The following PIK3C2A variants were observed in gnomAD, a reference collection of about 807,000 sequenced individuals.
PIK3C2A encodes phosphatidylinositol-4-phosphate 3-kinase catalytic subunit type 2 alpha.
Under a neutral mutation model 204.5 loss-of-function variants are expected in PIK3C2A, and 97 were observed. That is an observed-to-expected ratio of 0.47 (90% CI 0.40 to 0.56). PIK3C2A has a LOEUF of 0.56. PIK3C2A is among the 20% of genes least tolerant of loss of function. The pLI is 0.00. For missense variants in PIK3C2A, 1,735 were observed against 1,969.2 expected (o/e 0.88, Z 2.25); for synonymous variants, 653 against 664.4 (o/e 0.98, Z 0.26).
intron 1 of PIK3C2A, among the ~76,000 whole-genome samples, chr11:17,175,074 T>G (rs1851296160): frequency 6.6e-6 from 1 of 152,208 alleles, no homozygotes; most frequent in Admixed American, 6.5e-5. Context: ...AGGATCTAGA[T>G]TTTTTAAAAT....
rs963170849 is a variant in PIK3C2A, at chr11:17,131,999, A to G, written c.2148T>C (p.Asn716=). Reference sequence around the variant, plus strand: ...GAATAGGTTTAAAAAGATCCTTTCCATTGTGAGACAGTGAACATATCAAGT... The same window carrying G: ...GAATAGGTTTAAAAAGATCCTTTCCGTTGTGAGACAGTGAACATATCAAGT... The part of the protein sequence containing the change: ...KYYLICSLSH[N]GKDLFKPIQS... Residue 716 remains asparagine, a synonymous_variant, in exon 12 of 33, where the codon AAT becomes AAC. Coordinates refer to ENST00000691414, the MANE Select transcript of PIK3C2A (RefSeq NM_002645.4). The G allele has an allele frequency of 5.8e-6, 9 of 1,564,156 alleles. No individual in the cohort carries two copies. The highest frequency in any genetic ancestry group is 3.5e-5 in the Admixed American group (2 of 56,552).
chr11:17,122,820 G>C lies in PIK3C2A; in HGVS notation c.2400-7C>G. The C allele has an allele frequency of 9.2e-7, 1 of 1,090,814 alleles. No homozygotes were observed. Among genetic ancestry groups the C allele is most frequent in the Non-Finnish European group, 1.4e-6 (1 of 731,390 alleles). 67.6% of individuals were successfully genotyped at this position (1,090,814 alleles called of 1,614,324 possible). On this transcript the variant is annotated splice_region_variant and splice_polypyrimidine_tract_variant and intron_variant, in intron 13 of 32. Coordinates refer to ENST00000691414, the MANE Select transcript of PIK3C2A (RefSeq NM_002645.4). The stretch of plus-strand genomic sequence containing the variant: ...AGTTCCACATGTTAAAAACCTTCAC[G>C]GATGTAAAAATAATAATGTGATTTT...
At chr11:17,102,866 A>C (rs766081373) in intron 23 of PIK3C2A, 35 bp from the exon 24 acceptor site, 1 of 1,388,532 alleles carries the variant, frequency 7.2e-7, no homozygotes, top group Non-Finnish European at 1.0e-6. Flanking sequence ...TTAGAAAATG[A>C]ATTATTTTTA....
At chr11:17,177,964 G>T (rs1851390728) in intron 1 of PIK3C2A, among the ~76,000 whole-genome samples, 1 of 151,700 alleles carries the variant, frequency 6.6e-6, no homozygotes, top group African/African-American at 2.4e-5. Context: ...ATAGTGGTGG[G>T]TGTCTGTAAT....
intron 8 of PIK3C2A, among the ~76,000 whole-genome samples, chr11:17,143,438 G>A (rs960129361): frequency 6.6e-6 from 1 of 151,892 alleles, no homozygotes; most frequent in Non-Finnish European, 1.5e-5. Flanking sequence ...CAGATCACAG[G>A]ACTAAACAAT....
intron 19 of PIK3C2A, 113 bp downstream of exon 19, chr11:17,117,378 G>A: frequency 1.6e-6 from 1 of 637,912 alleles, no homozygotes; most frequent in South Asian, 2.6e-5. Context: ...CATGGGTATA[G>A]TTAGAGTTCT....
chr11:17,178,032 G>T (rs1851392648), intron 1 of PIK3C2A, among the ~76,000 whole-genome samples: 1 of 144,978 alleles, frequency 6.9e-6, no homozygotes, highest in South Asian at 2.2e-4. Flanking sequence ...GGTGTATGTT[G>T]CAGTGAGCCG....
At chr11:17,120,033 T>C (rs773919857) in intron 15 of PIK3C2A, 59 bp from the exon 16 acceptor site, 10 of 684,490 alleles carry the variant, frequency 1.5e-5, no homozygotes, top group Non-Finnish European at 6.8e-6. Flanking sequence ...ATAATCTCAA[T>C]GATTAAAAAT....
intron 2 of PIK3C2A, among the ~76,000 whole-genome samples, chr11:17,159,930 T>C (rs1850721261): frequency 6.6e-6 from 1 of 152,160 alleles, no homozygotes. Context: ...TCCCCCTTAC[T>C]TTTGGGAGGG....
At chr11:17,158,208 C>A (rs935531557) in intron 2 of PIK3C2A, among the ~76,000 whole-genome samples, 1 of 151,622 alleles carries the variant, frequency 6.6e-6, no homozygotes, top group Non-Finnish European at 1.5e-5. Flanking sequence ...ATTAGCCGGG[C>A]GTGGTGGTGC....
chr11:17,110,359 G>T, intron 22 of PIK3C2A, 73 bp downstream of exon 22: 3 of 1,119,962 alleles, frequency 2.7e-6, no homozygotes, highest in Non-Finnish European at 3.9e-6. Flanking sequence ...GCATCAGGAT[G>T]TTTACGGCAG....
intron 8 of PIK3C2A, among the ~76,000 whole-genome samples, chr11:17,137,518 C>G (rs1029588854): frequency 6.8e-6 from 1 of 147,436 alleles, no homozygotes; most frequent in African/African-American, 2.5e-5. Context: ...AAGTGATTCT[C>G]CTGCCTCAGC....
intron 26 of PIK3C2A, among the ~76,000 whole-genome samples, chr11:17,099,569 T>C (rs564369346): frequency 3.2e-4 from 49 of 152,164 alleles, no homozygotes; most frequent in Non-Finnish European, 5.6e-4. Flanking sequence ...AAAAAAGATT[T>C]TAAAATGGCA....
chr11:17,138,962 C>T (rs1028585014), intron 8 of PIK3C2A, among the ~76,000 whole-genome samples: 3 of 152,072 alleles, frequency 2.0e-5, no homozygotes, highest in East Asian at 1.9e-4. Context: ...GGCTGGAGTG[C>T]GATGGCGCGA....
intron 8 of PIK3C2A, among the ~76,000 whole-genome samples, chr11:17,139,838 C>T (rs960211282): frequency 1.3e-5 from 2 of 152,156 alleles, no homozygotes; most frequent in Non-Finnish European, 2.9e-5. Flanking sequence ...GTCCTCACTC[C>T]CTCATTCTGA....
chr11:17,118,668 G>T lies in PIK3C2A; in HGVS notation c.3012C>A (p.Ile1004=). 2.0e-6 allele frequency: 3 copies of T among 1,509,242 alleles called. No homozygotes were observed. Among genetic ancestry groups the T allele is most frequent in the Non-Finnish European group, 2.8e-6 (3 of 1,088,672 alleles). The allele number at this position is 1,509,242 out of a possible 1,614,324, so 93.5% of individuals were successfully genotyped here. A position where few individuals can be genotyped will look rare whatever the true frequency, so the allele number is the denominator to read the frequency against. Residue 1004 remains isoleucine (I), a synonymous_variant, in exon 18 of 33, where the codon ATC becomes ATA. Transcript: ENST00000691414. ...ACCAATATAAATTGTGTGCTATCTG[G>T]ATATTTCCCAATGCCCTGGACAAAA... is the stretch of plus-strand genomic sequence containing the variant. ...QFLLSRALGN[I]QIAHNLYWLL...
chr11:17,122,144 AT>A (rs769752307), intron 15 of PIK3C2A, 43 bp downstream of exon 15: 2 of 1,281,150 alleles, frequency 1.6e-6, no homozygotes, highest in South Asian at 2.5e-5. Flanking sequence ...TGACTTTTAC[AT>A]TACAGGAGAT....
At chr11:17,107,795 G>A (rs373949677) in intron 22 of PIK3C2A, among the ~76,000 whole-genome samples, 29 of 152,344 alleles carry the variant, frequency 1.9e-4, no homozygotes, top group African/African-American at 6.7e-4. Context: ...AGGGTACCCC[G>A]ATAGAAAGTA....
intron 12 of PIK3C2A, among the ~76,000 whole-genome samples, chr11:17,130,367 CTTGA>C (rs1849654732): frequency 6.6e-6 from 1 of 152,050 alleles, no homozygotes; most frequent in African/African-American, 2.4e-5. Context: ...TTTTGTGTTA[CTTGA>C]TTGCTTTCAC....
Sources: allele counts gnomAD v4.1 joint callset (sites outside exome capture counted in the v4.1 genomes callset), GRCh38; gene constraint gnomAD v4.1.1; transcripts MANE v1.5; gene names NCBI Gene and HGNC (gene_info 2026-07-23, HGNC 2026-07-21).